MED24: variants seen among roughly 807,000 people sequenced by gnomAD.
The protein encoded by MED24 is mediator of RNA polymerase II transcription subunit 24.
Under a neutral mutation model 118.8 loss-of-function variants are expected in MED24, and 74 were observed. That is an observed-to-expected ratio of 0.62 (90% confidence interval 0.52 to 0.76). The LOEUF (loss-of-function observed/expected upper bound fraction) is 0.76, where lower values mean the gene tolerates loss of function less well. MED24 is among the 30% of genes least tolerant of loss of function. The pLI is 0.00. For missense variants in MED24, 1,041 were observed against 1,278.9 expected, an observed-to-expected ratio of 0.81 and a Z score of 2.84; for synonymous variants, 521 against 523.9, an observed-to-expected ratio of 0.99 and a Z score of 0.08.
chr17:40,025,115 A>G (rs1982490419), intron 19 of MED24, among the ~76,000 whole-genome samples: 1 of 152,224 alleles, frequency 6.6e-6, no homozygotes, highest in Non-Finnish European at 1.5e-5. Flanking sequence ...TGAGGACACC[A>G]TGCTGAGTGA....
At position 40,053,649 on chromosome 17, in the gene MED24, G is replaced by T; in HGVS notation, c.-37-14C>A. 6.2e-7 allele frequency: 1 copy of T among 1,613,154 alleles called. No homozygotes were observed. The highest frequency in any genetic ancestry group is 8.5e-7 in the Non-Finnish European group (1 of 1,180,020). On this transcript the variant is annotated splice_polypyrimidine_tract_variant and intron_variant, in intron 1 of 25. Coordinates refer to ENST00000394128, the MANE Select transcript of MED24 (RefSeq NM_014815.4). ...GGTGGCGGCCAGCTTTGAGGTGAAAGAAATGGAGCTAAAGAAAAGGACATG... is the reference window on the plus strand; with the variant it reads ...GGTGGCGGCCAGCTTTGAGGTGAAATAAATGGAGCTAAAGAAAAGGACATG...
chr17:40,020,843 C>A (rs948686587), intron 23 of MED24, among the ~76,000 whole-genome samples: 1 of 152,022 alleles, frequency 6.6e-6, no homozygotes, highest in Non-Finnish European at 1.5e-5. Context: ...GAGGCCAAGG[C>A]GGGTGGATCA....
intron 4 of MED24, 124 bp from the exon 5 acceptor site, chr17:40,035,919 A>G: frequency 3.6e-6 from 4 of 1,109,260 alleles, no homozygotes; most frequent in Non-Finnish European, 5.3e-6. Flanking sequence ...CAGACTCAGC[A>G]TCCTCAACAC....
chr17:40,044,130 A>C (rs1380729456), intron 3 of MED24, among the ~76,000 whole-genome samples: 1 of 140,014 alleles, frequency 7.1e-6, no homozygotes, highest in African/African-American at 2.7e-5. Flanking sequence ...TCTGTCTCAC[A>C]AAAAAAAAAA....
intron 23 of MED24, 80 bp from the exon 24 acceptor site, chr17:40,020,433 G>A (rs1273707267): frequency 1.8e-5 from 28 of 1,549,564 alleles, no homozygotes; most frequent in East Asian, 2.4e-5. Flanking sequence ...GCCCCAACCC[G>A]ACCTTCACCC....
At chr17:40,037,668 T>C (rs976021528) in intron 3 of MED24, among the ~76,000 whole-genome samples, 5 of 152,084 alleles carry the variant, frequency 3.3e-5, no homozygotes, top group African/African-American at 1.2e-4. Flanking sequence ...TCCCAGCACT[T>C]TGGGAGGCCA....
chr17:40,032,137 T>C (rs1440072162), intron 9 of MED24, 47 bp from the exon 10 acceptor site: 3 of 1,596,684 alleles, frequency 1.9e-6, no homozygotes, highest in Non-Finnish European at 2.6e-6. Context: ...ATTTCTTTTC[T>C]CTTTCATCTA....
intron 13 of MED24, among the ~76,000 whole-genome samples, chr17:40,029,488 G>A (rs751335116): frequency 1.1e-4 from 16 of 152,150 alleles, no homozygotes; most frequent in Non-Finnish European, 2.2e-4. Context: ...GTGAGCCACC[G>A]CACCCACGTC....
chr17:40,042,730 G>T (rs1191006038), intron 3 of MED24, among the ~76,000 whole-genome samples: 2 of 151,998 alleles, frequency 1.3e-5, no homozygotes, highest in African/African-American at 4.8e-5. Flanking sequence ...TCAAAAAATG[G>T]ACCCTTGTGT....
chr17:40,051,311 A>AAAAAAT lies in MED24; in HGVS notation c.213+1981_213+1986dup, dbSNP rs528708916. On this transcript the variant is annotated intron_variant, in intron 3 of 25. Coordinates refer to ENST00000394128, the MANE Select transcript of MED24 (RefSeq NM_014815.4). ...GGGTGACAGAGTAAGACTCCTTCTC[A>AAAAAAT]AAAAATAAAAATAAGGCTGGGCGGC... is the stretch of plus-strand genomic sequence containing the variant. Among the ~76,000 whole-genome samples, 23 of 151,824 alleles carry AAAAAAT rather than the reference A, an allele frequency of 1.5e-4. No homozygotes were observed. In the South Asian group the frequency reaches 4.6e-3, roughly 30 times the overall value.
rs371196849 is a variant in MED24 at position 40,019,203 on chromosome 17, C to CACACACAT, written c.*325_*326insATGTGTGT. ...ACACACACACACACACACACACACA[C>CACACACAT]ATACACACTTTGCATCTAGAAAGTT... On this transcript the variant is annotated 3_prime_UTR_variant, in exon 26 of 26. Transcript: ENST00000394128. 0.2 allele frequency: 59,725 copies of CACACACAT among 299,700 alleles called. 7,383 individuals are homozygous for CACACACAT. The highest frequency in any genetic ancestry group is 0.23 in the Non-Finnish European group (36,226 of 157,354). The allele number at this position is 299,700 out of a possible 1,614,324, so 18.6% of individuals were successfully genotyped here. A position where few individuals can be genotyped will look rare whatever the true frequency, so the allele number is the denominator to read the frequency against.
chr17:40,041,171 C>T (rs1984528210), intron 3 of MED24, among the ~76,000 whole-genome samples: 1 of 152,212 alleles, frequency 6.6e-6, no homozygotes, highest in Admixed American at 6.6e-5. Flanking sequence ...TTGACAAACT[C>T]TTCATGTTAA....
At chr17:40,038,488 G>A (rs12939682) in intron 3 of MED24, among the ~76,000 whole-genome samples, 44,254 of 151,800 alleles carry the variant, frequency 0.29, 7,927 homozygotes, top group South Asian at 0.46. Flanking sequence ...CAAGGAGGGT[G>A]GATCACGGGG....
intron 3 of MED24, among the ~76,000 whole-genome samples, chr17:40,039,498 T>C (rs1193812892): frequency 1.3e-5 from 2 of 152,242 alleles, no homozygotes; most frequent in Non-Finnish European, 2.9e-5. Flanking sequence ...AAAGAGCCTC[T>C]TGACTCTGAA....
In MED24 at chr17:40,028,119, T is replaced by C. The variant is rs757308622; in HGVS notation, c.1410-173A>G. ...TTTTGTGGTTTTTGTTTTTTGTTTT[T>C]TTTTTGTTTTTTTTGAGAAAGAGTC... On this transcript the variant is annotated intron_variant, in intron 14 of 25. Coordinates refer to ENST00000394128, the MANE Select transcript of MED24 (RefSeq NM_014815.4). 3 of 646,682 alleles carry C rather than the reference T, an allele frequency of 4.6e-6. No individual in the cohort carries two copies. In the Admixed American group the frequency reaches 8.8e-5, roughly 19 times the overall value. 40.1% of individuals were successfully genotyped at this position (646,682 alleles called of 1,614,324 possible). A position where few individuals can be genotyped will look rare whatever the true frequency, so the allele number is the denominator to read the frequency against.
At chr17:40,034,549 ATCTG>A (rs1983730676) in intron 6 of MED24, among the ~76,000 whole-genome samples, 1 of 152,150 alleles carries the variant, frequency 6.6e-6, no homozygotes, top group South Asian at 2.1e-4. Flanking sequence ...CCGCCAGGTG[ATCTG>A]TCTGTTCTCA....
Position 40,033,347 on chromosome 17 carries a change from C to T in MED24, c.669G>A (p.Arg223=), listed in dbSNP as rs765455647. Residue 223 remains arginine, a splice_region_variant and synonymous_variant, in exon 7 of 26, where the codon AGG becomes AGA. Transcript: ENST00000394128. This position sits in a 1 kb window ranked among gnomAD's most constrained non-coding sequence, Gnocchi z 5.2. ...ACCATCCCCCAGGGAGCCGGTACCT[C>T]CTAATGAGGGTGCCACACTGCTCGG... ...SQAEQCGTLI[R]SIPTMLSVHA... The T allele has an allele frequency of 6.2e-7, 1 of 1,613,100 alleles. No homozygotes were observed. The highest frequency in any genetic ancestry group is 1.1e-5 in the South Asian group (1 of 90,904).
chr17:40,025,906 T>C (rs1378536360), intron 19 of MED24, among the ~76,000 whole-genome samples: 1 of 152,186 alleles, frequency 6.6e-6, no homozygotes, highest in Non-Finnish European at 1.5e-5. Flanking sequence ...AACTTGAGTC[T>C]CTGCGGGCAG....
intron 3 of MED24, among the ~76,000 whole-genome samples, chr17:40,037,197 G>GGA (rs142165428): frequency 6.6e-6 from 1 of 151,094 alleles, no homozygotes; most frequent in Non-Finnish European, 1.5e-5. Context: ...AGAAAGGGAG[G>GGA]GAGAGAGAGA....
Sources: allele counts gnomAD v4.1 joint callset (sites outside exome capture counted in the v4.1 genomes callset), GRCh38; gene constraint gnomAD v4.1.1; non-coding constraint Gnocchi (gnomAD v3.1); transcripts MANE v1.5; gene names NCBI Gene and HGNC (gene_info 2026-07-23, HGNC 2026-07-21).